The following AUTS2 variants were observed in gnomAD, a reference collection of about 807,000 sequenced individuals.
The protein encoded by AUTS2 is activator of transcription and developmental regulator AUTS2.
AUTS2 carries 17 observed loss-of-function variants against 112.4 expected under a neutral mutation model. The observed-to-expected ratio is 0.15, with a 90% CI of 0.10 to 0.23. AUTS2 has a LOEUF of 0.23. Among genes scored for constraint, AUTS2 ranks in the 10% least tolerant of loss-of-function variants. The pLI is 1.00. For missense variants in AUTS2, 1,510 were observed against 1,701.6 expected (o/e 0.89, Z 1.98); for synonymous variants, 751 against 702.7 (o/e 1.07, Z -1.09).
intron 1 of AUTS2, among the ~76,000 whole-genome samples, chr7:69,826,796 A>G (rs1791266976): frequency 6.6e-6 from 1 of 152,210 alleles, no homozygotes; most frequent in South Asian, 2.1e-4. Context: ...GTTAAAGCTT[A>G]ATATATTTAG....
intron 5 of AUTS2, among the ~76,000 whole-genome samples, chr7:70,579,244 T>TAAAAAAAAAAACAAAAAAAAAA: frequency 1.8e-5 from 1 of 55,868 alleles, no homozygotes; most frequent in Non-Finnish European, 3.3e-5. Flanking sequence ...TTCTCTTTTC[T>TAAAAAAAAAAACAAAAAAAAAA]AAAAAAAAAA....
At chr7:69,671,486 G>GGGGT (rs1554344610) in intron 1 of AUTS2, among the ~76,000 whole-genome samples, 1 of 138,518 alleles carries the variant, frequency 7.2e-6, no homozygotes, top group African/African-American at 2.7e-5. Flanking sequence ...TGCTGCTGCT[G>GGGGT]GTGTGTGTGT....
intron 2 of AUTS2, among the ~76,000 whole-genome samples, chr7:70,004,314 TTATA>T (rs748074709): frequency 7.4e-6 from 1 of 134,944 alleles, no homozygotes; most frequent in South Asian, 2.2e-4. Flanking sequence ...TGACTATATA[TTATA>T]TATATAATAT....
chr7:70,514,664 AC>A (rs1799342355), intron 5 of AUTS2, among the ~76,000 whole-genome samples: 1 of 152,220 alleles, frequency 6.6e-6, no homozygotes, highest in Non-Finnish European at 1.5e-5. Flanking sequence ...AGGGGACAGA[AC>A]ATCCAAAGCG....
In AUTS2 at chr7:70,117,133, TTTTG is replaced by T. The variant is rs144543146; in HGVS notation, c.523-995_523-992del. 2.5e-3 allele frequency among the ~76,000 whole-genome samples: 246 copies of T among 98,846 alleles called. 7 individuals carry two copies. The highest frequency in any genetic ancestry group is 6.4e-3 in the African/African-American group (155 of 24,164). 64.8% of individuals were successfully genotyped at this position (98,846 alleles called of 152,430 possible). On this transcript the variant is annotated intron_variant, in intron 2 of 18. Transcript: ENST00000342771. Reference sequence around the variant, plus strand: ...TTTTTTTTTGTTTTTTTTTGTTTTTTTTTGTTTTTTTTTTTGGTGTAGTACCATA... The same window carrying T: ...TTTTTTTTTGTTTTTTTTTGTTTTTTTTTTTTTTTTTGGTGTAGTACCATA...
At chr7:70,772,195 C>T (rs1280448353) in intron 11 of AUTS2, among the ~76,000 whole-genome samples, 1 of 152,212 alleles carries the variant, frequency 6.6e-6, no homozygotes, top group Admixed American at 6.5e-5. Context: ...TCCTTTCTTT[C>T]TCCCTCTCTC....
chr7:69,683,591 CA>C (rs1282390745), intron 1 of AUTS2, among the ~76,000 whole-genome samples: 2 of 150,810 alleles, frequency 1.3e-5, no homozygotes, highest in Non-Finnish European at 3.0e-5. Context: ...AAAAAACCCC[CA>C]AAAACCCAAA....
chr7:69,958,104 A>G (rs1797288732), intron 2 of AUTS2, among the ~76,000 whole-genome samples: 2 of 152,160 alleles, frequency 1.3e-5, no homozygotes, highest in African/African-American at 4.8e-5. Flanking sequence ...TCACCAGAGT[A>G]TTTATAGAAC....
intron 5 of AUTS2, among the ~76,000 whole-genome samples, chr7:70,664,717 G>A (rs1053937453): frequency 1.3e-5 from 2 of 152,162 alleles, no homozygotes; most frequent in African/African-American, 4.8e-5. Context: ...GGATGCTGCT[G>A]CTAGACCAGC....
At chr7:70,761,451 C>T (rs938445473) in intron 6 of AUTS2, among the ~76,000 whole-genome samples, 1 of 152,224 alleles carries the variant, frequency 6.6e-6, no homozygotes, top group African/African-American at 2.4e-5. Context: ...CTGAAAAACA[C>T]CTTCATTTCA....
chr7:69,743,295 G>A (rs1787346749), intron 1 of AUTS2, among the ~76,000 whole-genome samples: 1 of 152,186 alleles, frequency 6.6e-6, no homozygotes, highest in Non-Finnish European at 1.5e-5. Flanking sequence ...CACAGAGGAT[G>A]TGCTTAGTAC....
intron 5 of AUTS2, among the ~76,000 whole-genome samples, chr7:70,675,603 C>T (rs1389819789): frequency 2.0e-5 from 3 of 152,190 alleles, no homozygotes; most frequent in African/African-American, 7.2e-5. Flanking sequence ...GAAATTCAGA[C>T]AGGGCCAAGC....
chr7:69,674,831 T>C (rs1796485801), intron 1 of AUTS2, among the ~76,000 whole-genome samples: 1 of 152,132 alleles, frequency 6.6e-6, no homozygotes, highest in Non-Finnish European at 1.5e-5. Flanking sequence ...GTAGTCAAGC[T>C]GAATGCTCTG....
At chr7:70,318,606 G>C (rs1262865168) in intron 4 of AUTS2, among the ~76,000 whole-genome samples, 1 of 152,206 alleles carries the variant, frequency 6.6e-6, no homozygotes, top group Non-Finnish European at 1.5e-5. Flanking sequence ...GCCCCATGCT[G>C]TTAATTCTTT....
chr7:70,749,366 G>A (rs1025840226), intron 6 of AUTS2, among the ~76,000 whole-genome samples: 3 of 152,068 alleles, frequency 2.0e-5, no homozygotes, highest in Non-Finnish European at 4.4e-5. Context: ...ACGGGGAGGG[G>A]GGTCCGCGAA....
chr7:69,858,410 C>T (rs1238188094), intron 1 of AUTS2, among the ~76,000 whole-genome samples: 2 of 152,138 alleles, frequency 1.3e-5, no homozygotes, highest in African/African-American at 4.8e-5. Flanking sequence ...CTAAAACTCA[C>T]CTACCCTGGC....
rs187469075 is a variant in AUTS2, at chr7:70,031,574, C to A, written c.523-86558C>A. 4.5e-3 allele frequency among the ~76,000 whole-genome samples: 691 copies of A among 152,254 alleles called. 5 individuals carry two copies. The highest frequency in any genetic ancestry group is 0.011 in the South Asian group (53 of 4,822). On this transcript the variant is annotated intron_variant, in intron 2 of 18. Coordinates refer to ENST00000342771, the MANE Select transcript of AUTS2 (RefSeq NM_015570.4). ...TGTTAGAACAGTTCATCTGGCATAG[C>A]TCAGTGAAGATGGATTGAGCCCCTG...
chr7:70,415,675 A>T (rs562002184), intron 4 of AUTS2, among the ~76,000 whole-genome samples: 48 of 152,296 alleles, frequency 3.2e-4, no homozygotes, highest in African/African-American at 1.1e-3. Context: ...CAACCCCAAC[A>T]TCTCTGCCAC....
intron 4 of AUTS2, among the ~76,000 whole-genome samples, chr7:70,353,163 C>T (rs1487288076): frequency 6.6e-6 from 1 of 152,162 alleles, no homozygotes; most frequent in Non-Finnish European, 1.5e-5. Flanking sequence ...GGCGGTTCCA[C>T]CATAGCCAAC....
Sources: allele counts gnomAD v4.1 joint callset (sites outside exome capture counted in the v4.1 genomes callset), GRCh38; gene constraint gnomAD v4.1.1; transcripts MANE v1.5; gene names NCBI Gene and HGNC (gene_info 2026-07-23, HGNC 2026-07-21).